The following ZSCAN5A variants were observed in gnomAD, a reference collection of about 807,000 sequenced individuals.
The protein encoded by ZSCAN5A is zinc finger and SCAN domain containing 5A.
A neutral mutation model predicts 23.7 loss-of-function variants in ZSCAN5A; 12 were observed. The ratio of observed to expected loss-of-function variants is 0.51; its 90% CI spans 0.32 to 0.82. ZSCAN5A has a LOEUF of 0.82. Ranked by LOEUF, ZSCAN5A falls within the 40% of genes least tolerant of loss-of-function variation. ZSCAN5A has a pLI of 0.03. For missense variants in ZSCAN5A, 597 were observed against 617.9 expected, an observed-to-expected ratio of 0.97 and a Z score of 0.36; for synonymous variants, 257 against 239.9, an observed-to-expected ratio of 1.07 and a Z score of -0.66.
At chr19:56,304,948 T>C (rs896125594) in intron 2 of ZSCAN5A, 10 of 248,770 alleles carry the variant, frequency 4.0e-5, no homozygotes, top group Admixed American at 3.9e-4. Context: ...GCTGCAATCA[T>C]AGAAACCCAG....
intron 2 of ZSCAN5A, chr19:56,312,601 A>T (rs146914841): frequency 2.6e-5 from 4 of 152,380 alleles, no homozygotes; most frequent in African/African-American, 9.6e-5. Context: ...ATGTGAATAA[A>T]GTCTGGCGTT....
At chr19:56,231,736 G>A (rs897398159) in intron 2 of ZSCAN5A, among the ~76,000 whole-genome samples, 4 of 152,154 alleles carry the variant, frequency 2.6e-5, no homozygotes, top group Non-Finnish European at 5.9e-5. Context: ...GCAGCATTTG[G>A]TGCATTTACA....
intron 2 of ZSCAN5A, among the ~76,000 whole-genome samples, chr19:56,333,721 C>T (rs2041509898): frequency 6.6e-6 from 1 of 151,928 alleles, no homozygotes. Context: ...TGGTAGTATG[C>T]CAAACTGCAC....
At chr19:56,327,596 GATAT>G (rs74177183) in intron 2 of ZSCAN5A, among the ~76,000 whole-genome samples, 16 of 150,950 alleles carry the variant, frequency 1.1e-4, no homozygotes, top group Middle Eastern at 3.6e-3. Context: ...TTATATGTAT[GATAT>G]ATAATTTTAC....
At chr19:56,310,511 G>A (rs1241058559) in intron 2 of ZSCAN5A, 1 of 152,256 alleles carries the variant, frequency 6.6e-6, no homozygotes, top group African/African-American at 2.4e-5. Flanking sequence ...GTATGCTGGT[G>A]GATTACCAAG....
At chr19:56,273,461 T>G (rs4801698) in intron 2 of ZSCAN5A, among the ~76,000 whole-genome samples, 19,395 of 96,484 alleles carry the variant, frequency 0.2, 1,620 homozygotes, top group Non-Finnish European at 0.32. Context: ...GGGAATATAG[T>G]GATGAAAATA....
At chr19:56,293,565 C>G (rs1211385804) in intron 2 of ZSCAN5A, among the ~76,000 whole-genome samples, 1 of 152,192 alleles carries the variant, frequency 6.6e-6, no homozygotes, top group Non-Finnish European at 1.5e-5. Flanking sequence ...CTTTCTAGTT[C>G]CGTGGGCTTC....
chr19:56,288,800 G>A (rs1326607306), intron 2 of ZSCAN5A, among the ~76,000 whole-genome samples: 7 of 152,164 alleles, frequency 4.6e-5, no homozygotes, highest in African/African-American at 4.8e-5. Context: ...TCTGAGACCC[G>A]TGTCTTAATG....
At chr19:56,329,021 A>G (rs2041464967) in intron 2 of ZSCAN5A, among the ~76,000 whole-genome samples, 1 of 150,842 alleles carries the variant, frequency 6.6e-6, no homozygotes, top group South Asian at 2.1e-4. Flanking sequence ...AAATAAATAA[A>G]TAAATAAAAG....
intron 2 of ZSCAN5A, among the ~76,000 whole-genome samples, chr19:56,262,666 A>T (rs1418771605): frequency 6.6e-6 from 1 of 151,986 alleles, no homozygotes; most frequent in Non-Finnish European, 1.5e-5. Flanking sequence ...TCCTGACCTC[A>T]AGTAATCCAC....
At chr19:56,282,393 A>T (rs1384954270) in intron 2 of ZSCAN5A, 13 of 713,656 alleles carry the variant, frequency 1.8e-5, no homozygotes, top group Admixed American at 6.3e-5. Context: ...ACCAAGGATG[A>T]CTTAATTCCT....
intron 2 of ZSCAN5A, chr19:56,302,851 T>C (rs1312865028): frequency 2.5e-6 from 1 of 398,604 alleles, no homozygotes; most frequent in Non-Finnish European, 4.4e-6. Context: ...GGGACGTTCA[T>C]AAGGACCAAG....
At chr19:56,326,705 T>G (rs182486215) in intron 2 of ZSCAN5A, among the ~76,000 whole-genome samples, 297 of 152,046 alleles carry the variant, frequency 2.0e-3, no homozygotes, top group African/African-American at 6.8e-3. Flanking sequence ...GTGCGGCATC[T>G]CTCCCTCCAC....
At chr19:56,269,435 T>A (rs2037692781) in intron 2 of ZSCAN5A, among the ~76,000 whole-genome samples, 1 of 152,196 alleles carries the variant, frequency 6.6e-6, no homozygotes, top group Admixed American at 6.5e-5. Context: ...TAATTGTCCC[T>A]GAAGATACCC....
rs530477079 is a variant in ZSCAN5A, at chr19:56,328,981, C to G, written c.-357-12713G>C. Among the ~76,000 whole-genome samples, 331 of 139,956 alleles carry G rather than the reference C, an allele frequency of 2.4e-3. 1 individual carries two copies. Among genetic ancestry groups the G allele is most frequent in the Non-Finnish European group, 3.7e-3 (243 of 65,696 alleles). The allele number at this position is 139,956 out of a possible 152,430, so 91.8% of individuals were successfully genotyped here. On this transcript the variant is annotated intron_variant, in intron 2 of 6. Coordinates refer to the ZSCAN5A transcript ENST00000587340. ...CTGCACTCCAGCCTGGGCGACAGAGCGAGACTCCGTCTCAAAAAAAAAAAA... is the reference window on the plus strand; with the variant it reads ...CTGCACTCCAGCCTGGGCGACAGAGGGAGACTCCGTCTCAAAAAAAAAAAA...
rs1430980519 is a variant in ZSCAN5A at position 56,222,774 on chromosome 19, G to A, written c.589-33C>T. On this transcript the variant is annotated intron_variant, in intron 4 of 5. Transcript: ENST00000683990. ...GGAAAAACCAAGAGTAATGACTGCT[G>A]TGTCCAAACTGGTGGAAGCAGGGAC... 3 of 1,614,004 alleles carry A rather than the reference G, an allele frequency of 1.9e-6. No individual in the cohort carries two copies. In the African/African-American group the frequency reaches 4.0e-5, roughly 22 times the overall value.
intron 2 of ZSCAN5A, among the ~76,000 whole-genome samples, chr19:56,329,811 T>A (rs1388863454): frequency 6.6e-6 from 1 of 152,234 alleles, no homozygotes; most frequent in African/African-American, 2.4e-5. Context: ...ACAATGAATG[T>A]TTTTATTTTT....
chr19:56,228,605 C>G (rs369919428), intron 2 of ZSCAN5A, among the ~76,000 whole-genome samples: 131 of 152,124 alleles, frequency 8.6e-4, no homozygotes, highest in African/African-American at 3.0e-3. Flanking sequence ...CAGTAATATC[C>G]TAACAAGTAA....
chr19:56,238,979 A>C (rs2035201406), intron 2 of ZSCAN5A, among the ~76,000 whole-genome samples: 1 of 152,234 alleles, frequency 6.6e-6, no homozygotes. Context: ...TCAACGCCTC[A>C]ATTCTTAACA....
Sources: allele counts gnomAD v4.1 joint callset (sites outside exome capture counted in the v4.1 genomes callset), GRCh38; gene constraint gnomAD v4.1.1; transcripts MANE v1.5; gene names NCBI Gene and HGNC (gene_info 2026-07-23, HGNC 2026-07-21).